Variants in ZNF394 observed in about 807,000 individuals in gnomAD.
ZNF394 encodes zinc finger protein 394.
In ZNF394, 19 loss-of-function variants were observed where a neutral mutation model predicts 21.8. The ratio of observed to expected loss-of-function variants is 0.87; its 90% confidence interval spans 0.61 to 1.28. ZNF394 has a LOEUF of 1.28. ZNF394 is among the 50% of genes most tolerant of loss of function. The pLI is 0.00. For missense variants in ZNF394, 683 were observed against 708.6 expected, an observed-to-expected ratio of 0.96 and a Z score of 0.41; for synonymous variants, 294 against 273.3, an observed-to-expected ratio of 1.08 and a Z score of -0.75.
At chr7:99,498,898 CTCT>C in intron 1 of ZNF394, 56 bp from the exon 2 acceptor site, 1 of 1,556,008 alleles carries the variant, frequency 6.4e-7, no homozygotes, top group South Asian at 1.2e-5. Context: ...AGCACTAACA[CTCT>C]TCTTGAGTCT....
At position 99,493,760 on chromosome 7, in the gene ZNF394, A is replaced by G. The variant is rs1179644748; in HGVS notation, c.1455T>C (p.Phe485=). The change falls in exon 3 of 3, where the codon TTT becomes TTC. Residue 485 remains phenylalanine (F), a synonymous_variant. Coordinates refer to ENST00000337673, the MANE Select transcript of ZNF394 (RefSeq NM_032164.4). ...EKSFKQRSDL[F]KHHRIHTGEK... ...CCCCAGTGTGGATTCTGTGGTGTTTAAAGAGGTCAGAGCGCTGTTTGAAGC... is the reference window on the plus strand; with the variant it reads ...CCCCAGTGTGGATTCTGTGGTGTTTGAAGAGGTCAGAGCGCTGTTTGAAGC... 6.2e-7 allele frequency: 1 copy of G among 1,614,124 alleles called. No homozygotes were observed. The highest frequency in any genetic ancestry group is 1.7e-5 in the Admixed American group (1 of 60,014).
At chr7:99,489,298 A>T (rs1393156418), downstream of ZNF394, among the ~76,000 whole-genome samples, 1 of 151,922 alleles carries the variant, frequency 6.6e-6, no homozygotes, top group East Asian at 1.9e-4. Flanking sequence ...AAGAAAAAAA[A>T]AAAAAAAGAG....
At position 99,493,338 on chromosome 7, in the gene ZNF394, C is replaced by T. The variant is rs1016951128; in HGVS notation, c.*191G>A. ...GTGGCATGATCTCAGCTCACTGCAA[C>T]TTCCGCCTCCTGGGTTCAAGTGATT... On this transcript the variant is annotated 3_prime_UTR_variant, in exon 3 of 3. Transcript: ENST00000337673. 9 of 1,111,612 alleles carry T rather than the reference C, an allele frequency of 8.1e-6. No homozygotes were observed. The African/African-American group carries it at 1.3e-4, about 16-fold the overall frequency. The allele number at this position is 1,111,612 out of a possible 1,614,324, so 68.9% of individuals were successfully genotyped here.
rs775430877 is a variant in ZNF394, at chr7:99,500,115, C to T, written c.-22G>A. On this transcript the variant is annotated 5_prime_UTR_variant, in exon 1 of 3. Coordinates refer to ENST00000337673, the MANE Select transcript of ZNF394 (RefSeq NM_032164.4). ...TCATCTTTCTCCGGCATGTGCTGCC[C>T]TTCCTGGAGTCTTCTTTTCAGGTGA... 6 of 1,516,138 alleles carry T rather than the reference C, an allele frequency of 4.0e-6. No individual in the cohort carries two copies. The Admixed American group carries it at 1.3e-4, about 33-fold the overall frequency. 93.9% of individuals were successfully genotyped at this position (1,516,138 alleles called of 1,614,324 possible).
chr7:99,497,138 ATATG>A lies in ZNF394; in HGVS notation c.583+1574_583+1577del, dbSNP rs1260402733. ...TGTGTGTGTGTATATATATATATATATATGTATATATATATATAAAATGTTTTTT... is the reference window on the plus strand; with the variant it reads ...TGTGTGTGTGTATATATATATATATATATATATATATATAAAATGTTTTTT... On this transcript the variant is annotated intron_variant, in intron 2 of 2. Transcript: ENST00000337673. Among the ~76,000 whole-genome samples, 1,101 of 130,194 alleles carry A rather than the reference ATATG, an allele frequency of 8.5e-3. 35 individuals carry two copies. The highest frequency in any genetic ancestry group is 0.028 in the African/African-American group (808 of 28,370). 85.4% of individuals were successfully genotyped at this position (130,194 alleles called of 152,430 possible). A position where few individuals can be genotyped will look rare whatever the true frequency, so the allele number is the denominator to read the frequency against.
intron 1 of ZNF394, among the ~76,000 whole-genome samples, chr7:99,499,242 G>A (rs910013211): frequency 6.6e-6 from 1 of 151,906 alleles, no homozygotes; most frequent in Admixed American, 6.6e-5. Context: ...CGGGCGTGGT[G>A]GCGGGCGCCT....
In ZNF394 at chr7:99,500,229, T is replaced by G; in HGVS notation, c.-136A>C. 1 of 744,110 alleles carries G rather than the reference T, an allele frequency of 1.3e-6. No homozygotes were observed. The highest frequency in any genetic ancestry group is 2.0e-6 in the Non-Finnish European group (1 of 489,396). 46.1% of individuals were successfully genotyped at this position (744,110 alleles called of 1,614,324 possible). On this transcript the variant is annotated 5_prime_UTR_variant, in exon 1 of 3. Coordinates refer to ENST00000337673, the MANE Select transcript of ZNF394 (RefSeq NM_032164.4). The stretch of plus-strand genomic sequence containing the variant: ...CACCACACCAGGCCCCTCTCCACAC[T>G]CTCCTTTCCTCAGCTTTGCGCCTAC...
chr7:99,497,116 G>GTA (rs1259470943), intron 2 of ZNF394, among the ~76,000 whole-genome samples: 23 of 111,444 alleles, frequency 2.1e-4, no homozygotes, highest in Admixed American at 8.0e-4. Flanking sequence ...GTGTGTGTGT[G>GTA]TGTGTGTATA....
chr7:99,489,910 CAGG>C (rs1361426713), downstream of ZNF394, among the ~76,000 whole-genome samples: 3 of 151,938 alleles, frequency 2.0e-5, no homozygotes, highest in South Asian at 2.1e-4. Context: ...GAGGCTGAGA[CAGG>C]AGAATTGCTT....
chr7:99,489,889 C>T (rs1800124182), downstream of ZNF394, among the ~76,000 whole-genome samples: 1 of 151,962 alleles, frequency 6.6e-6, no homozygotes, highest in Non-Finnish European at 1.5e-5. Context: ...CCTATAATTC[C>T]AGCTACTCAG....
downstream of ZNF394, among the ~76,000 whole-genome samples, chr7:99,489,410 C>A (rs763649979): frequency 3.4e-4 from 52 of 152,150 alleles, no homozygotes; most frequent in Non-Finnish European, 5.6e-4. Flanking sequence ...ACCTTGTGGC[C>A]TGTGGGGTAA....
chr7:99,494,759 G>C, intron 2 of ZNF394, 128 bp from the exon 3 acceptor site: 1 of 1,379,526 alleles, frequency 7.2e-7, no homozygotes, highest in Non-Finnish European at 9.3e-7. Flanking sequence ...TTTTTGAGAC[G>C]GTGTCTTGCT....
intron 2 of ZNF394, among the ~76,000 whole-genome samples, 162 bp from the exon 3 acceptor site, chr7:99,494,793 G>A (rs1361691445): frequency 6.6e-6 from 1 of 152,062 alleles, no homozygotes; most frequent in South Asian, 2.1e-4. Flanking sequence ...GGAGTGCAGT[G>A]GTCCGATCTC....
At chr7:99,492,035 T>C (rs1193695679), downstream of ZNF394, among the ~76,000 whole-genome samples, 2 of 140,570 alleles carry the variant, frequency 1.4e-5, no homozygotes, top group African/African-American at 5.4e-5. Flanking sequence ...ATTGCGCCAC[T>C]GCACTCCAGC....
intron 2 of ZNF394, 129 bp downstream of exon 2, chr7:99,498,587 T>C: frequency 7.3e-7 from 1 of 1,361,028 alleles, no homozygotes; most frequent in Non-Finnish European, 1.0e-6. Context: ...AGGCTCCTGC[T>C]TGCGTTACAG....
At chr7:99,491,149 TC>T (rs1469996918), downstream of ZNF394, among the ~76,000 whole-genome samples, 1 of 152,140 alleles carries the variant, frequency 6.6e-6, no homozygotes, top group East Asian at 1.9e-4. Flanking sequence ...GACACTCTCT[TC>T]CCTTCATTTT....
chr7:99,499,661 C>T lies in ZNF394; in HGVS notation c.433G>A (p.Ala145Thr), dbSNP rs759928093. 1 of 1,602,560 alleles carries T rather than the reference C, an allele frequency of 6.2e-7. No individual in the cohort carries two copies. The highest frequency in any genetic ancestry group is 8.5e-7 in the Non-Finnish European group (1 of 1,176,438). The change falls in exon 1 of 3, where the codon GCG becomes ACG. Residue 145 changes from alanine to threonine, a missense_variant. Around this residue, in one of 3 missense-constraint regions of ZNF394, gnomAD observed 402 missense variants for 373.8 expected, o/e 1.08. Transcript: ENST00000337673. ...ACCTGGGATGAGGTTCCATCGAGCG[C>T]TCGCTGCAGAGCCCGCACCACGGCC... ...AVAVVRALQR[A>T]LDGTSSQGMV...
At chr7:99,492,504 G>A (rs1322715307), downstream of ZNF394, among the ~76,000 whole-genome samples, 3 of 151,712 alleles carry the variant, frequency 2.0e-5, no homozygotes, top group Non-Finnish European at 4.4e-5. Flanking sequence ...GCTGGGCATG[G>A]CATGGTGCAC....
intron 1 of ZNF394, 79 bp downstream of exon 1, chr7:99,499,559 G>A (rs773759257): frequency 3.4e-5 from 45 of 1,307,906 alleles, no homozygotes; most frequent in Non-Finnish European, 4.3e-5. Flanking sequence ...TAATAAGGAA[G>A]TAAGTTCCGA....
Sources: gnomAD v4.1 joint callset for allele counts (sites outside exome capture counted in the v4.1 genomes callset) on GRCh38, gnomAD v4.1.1 for gene constraint, gnomAD v4.1.1 regional missense constraint, MANE v1.5 for transcripts, NCBI Gene and HGNC (gene_info 2026-07-23, HGNC 2026-07-21) for gene names.